Variants in ADAM12 observed in about 807,000 individuals in gnomAD.
ADAM12 encodes ADAM metallopeptidase domain 12.
In ADAM12, 70 loss-of-function variants were observed where a neutral mutation model predicts 106.4. The ratio of observed to expected loss-of-function variants is 0.66; its 90% CI spans 0.54 to 0.80. The LOEUF is 0.80. ADAM12 is among the 30% of genes least tolerant of loss of function. The pLI, the probability that ADAM12 is intolerant of heterozygous loss-of-function variation, is 0.00. For synonymous variants in ADAM12, 420 were observed against 433.5 expected (o/e 0.97, Z 0.39); for missense variants, 1,010 against 1,171.9 (o/e 0.86, Z 2.02).
At chr10:126,168,400 T>C (rs1957062567) in intron 3 of ADAM12, among the ~76,000 whole-genome samples, 1 of 152,172 alleles carries the variant, frequency 6.6e-6, no homozygotes, top group Non-Finnish European at 1.5e-5. Context: ...TTTCCTCATA[T>C]AAAATGAGAA....
At chr10:126,199,593 C>T (rs552551724) in intron 3 of ADAM12, among the ~76,000 whole-genome samples, 1 of 152,172 alleles carries the variant, frequency 6.6e-6, no homozygotes, top group Non-Finnish European at 1.5e-5. Flanking sequence ...GCTGCTGCTT[C>T]CCAGAGTGTG....
chr10:126,215,080 C>T (rs996110446), intron 3 of ADAM12, among the ~76,000 whole-genome samples: 1 of 152,222 alleles, frequency 6.6e-6, no homozygotes, highest in African/African-American at 2.4e-5. Context: ...TCTGACCACA[C>T]CCATCTGTCC....
At chr10:126,169,392 C>T (rs1957079822) in intron 3 of ADAM12, among the ~76,000 whole-genome samples, 2 of 152,178 alleles carry the variant, frequency 1.3e-5, no homozygotes, top group South Asian at 4.1e-4. Context: ...GTATGTTTCC[C>T]CCATTAGGGC....
At chr10:126,311,707 G>A (rs1290796678) in intron 2 of ADAM12, among the ~76,000 whole-genome samples, 1 of 152,126 alleles carries the variant, frequency 6.6e-6, no homozygotes, top group Non-Finnish European at 1.5e-5. Flanking sequence ...AGGTTTCAGA[G>A]TGGTGAACAC....
At position 126,043,234 on chromosome 10, in the gene ADAM12, G is replaced by GCC. The variant is rs71309277; in HGVS notation, c.1996-88_1996-87dup. 6.6e-6 allele frequency: 8 copies of GCC among 1,205,760 alleles called. No homozygotes were observed. Among genetic ancestry groups the GCC allele is most frequent in the African/African-American group, 6.1e-5 (4 of 65,982 alleles). The allele number at this position is 1,205,760 out of a possible 1,614,324, so 74.7% of individuals were successfully genotyped here. On this transcript the variant is annotated intron_variant, in intron 17 of 22. Transcript: ENST00000448723. The surrounding 1 kb of genome is among the most constrained non-coding windows in gnomAD (Gnocchi z 4.1). ...AGAAGCAAGGGGGGCCATGGTCAGA[G>GCC]CCCCCCCCCAACACTGACACAGCCA... is the stretch of plus-strand genomic sequence containing the variant.
At chr10:126,219,277 T>C (rs1310606542) in intron 3 of ADAM12, among the ~76,000 whole-genome samples, 1 of 152,228 alleles carries the variant, frequency 6.6e-6, no homozygotes, top group Non-Finnish European at 1.5e-5. Context: ...CAGTCGTCCT[T>C]AGCGCCTCGA....
chr10:126,139,276 A>G (rs902271461), intron 4 of ADAM12, among the ~76,000 whole-genome samples: 6 of 151,748 alleles, frequency 4.0e-5, no homozygotes, highest in African/African-American at 1.5e-4. Flanking sequence ...TTTTTTTTCC[A>G]CGTGGCTGTT....
intron 21 of ADAM12, among the ~76,000 whole-genome samples, chr10:126,031,046 C>T (rs1159819971): frequency 6.6e-6 from 1 of 152,144 alleles, no homozygotes; most frequent in African/African-American, 2.4e-5. Context: ...CTGGTAACTC[C>T]AGGCTACGGC....
chr10:126,317,641 A>G (rs1853930788), intron 2 of ADAM12, among the ~76,000 whole-genome samples: 2 of 152,132 alleles, frequency 1.3e-5, no homozygotes, highest in Admixed American at 6.5e-5. Flanking sequence ...CAGGGAAAAG[A>G]GCCTAATGAT....
rs533809941 is a variant in ADAM12 at position 126,033,440 on chromosome 10, T to A, written c.2529+2706A>T. Among the ~76,000 whole-genome samples the A allele has an allele frequency of 6.6e-5, 10 of 152,332 alleles. 1 individual carries two copies. Among genetic ancestry groups the A allele is most frequent in the Admixed American group, 5.9e-4 (9 of 15,304 alleles). On this transcript the variant is annotated intron_variant, in intron 21 of 22. Coordinates refer to ENST00000448723, the MANE Select transcript of ADAM12 (RefSeq NM_001288973.2). The stretch of plus-strand genomic sequence containing the variant: ...ATGTCTGGACATAAAGTATGCTGGC[T>A]AGGGATCTCAGAACTCAAGGAACTA...
intron 3 of ADAM12, among the ~76,000 whole-genome samples, chr10:126,265,834 C>T (rs1015896312): frequency 1.1e-4 from 16 of 152,160 alleles, no homozygotes; most frequent in African/African-American, 3.4e-4. Flanking sequence ...GTAGCAGACA[C>T]ATACAACGTG....
intron 4 of ADAM12, among the ~76,000 whole-genome samples, chr10:126,138,999 G>A (rs1265421452): frequency 6.6e-6 from 1 of 152,066 alleles, no homozygotes; most frequent in African/African-American, 2.4e-5. Flanking sequence ...TTGTCTTGGT[G>A]ACTTTCTCCA....
chr10:126,197,348 A>G (rs1383997459), intron 3 of ADAM12, among the ~76,000 whole-genome samples: 1 of 152,192 alleles, frequency 6.6e-6, no homozygotes, highest in Non-Finnish European at 1.5e-5. Flanking sequence ...GGTGCCCAGA[A>G]CATAGAACAA....
At chr10:126,194,819 T>C (rs1211724615) in intron 3 of ADAM12, among the ~76,000 whole-genome samples, 1 of 152,198 alleles carries the variant, frequency 6.6e-6, no homozygotes, top group Non-Finnish European at 1.5e-5. Flanking sequence ...ATAATGTCTG[T>C]TGACATACGT....
chr10:126,178,678 T>C (rs1957262725), intron 3 of ADAM12, among the ~76,000 whole-genome samples: 1 of 152,070 alleles, frequency 6.6e-6, no homozygotes, highest in South Asian at 2.1e-4. Flanking sequence ...CTCTTGGAGG[T>C]ACTTTGTAGA....
At chr10:126,052,669 G>GGA (rs1430969977) in intron 14 of ADAM12, among the ~76,000 whole-genome samples, 1 of 152,078 alleles carries the variant, frequency 6.6e-6, no homozygotes, top group Non-Finnish European at 1.5e-5. Context: ...AGAGGAAGGG[G>GGA]GAGAGAGAGA....
intron 21 of ADAM12, among the ~76,000 whole-genome samples, chr10:126,024,771 AGGT>A (rs1036352954): frequency 6.6e-6 from 1 of 152,138 alleles, no homozygotes; most frequent in African/African-American, 2.4e-5. Flanking sequence ...AAGGATTACT[AGGT>A]GGTCATCTAG....
chr10:126,366,016 T>G (rs1855897047), intron 1 of ADAM12, among the ~76,000 whole-genome samples: 1 of 152,208 alleles, frequency 6.6e-6, no homozygotes, highest in East Asian at 1.9e-4. Context: ...ATACGAGGTT[T>G]AGATCTACCA....
chr10:126,221,721 A>T (rs139022607), intron 3 of ADAM12, among the ~76,000 whole-genome samples: 73 of 152,308 alleles, frequency 4.8e-4, no homozygotes, highest in African/African-American at 1.7e-3. Flanking sequence ...ACAGGGGGCA[A>T]GAAGCAGGTC....
Sources: allele counts gnomAD v4.1 joint callset (sites outside exome capture counted in the v4.1 genomes callset), GRCh38; gene constraint gnomAD v4.1.1; non-coding constraint Gnocchi (gnomAD v3.1); transcripts MANE v1.5; gene names NCBI Gene and HGNC (gene_info 2026-07-23, HGNC 2026-07-21).